CUL5: variants seen among roughly 807,000 people sequenced by gnomAD.
The protein encoded by CUL5 is cullin 5, also known as cullin-5.
In CUL5, 26 loss-of-function variants were observed where a neutral mutation model predicts 108.8. The observed-to-expected ratio is 0.24, with a 90% CI of 0.18 to 0.33. CUL5 has a LOEUF of 0.33. CUL5 is among the 10% of genes least tolerant of loss of function. The pLI, the probability that CUL5 is intolerant of heterozygous loss-of-function variation, is 1.00. For missense variants in CUL5, 524 were observed against 909.2 expected, an observed-to-expected ratio of 0.58 and a Z score of 5.45; for synonymous variants, 334 against 298.0, an observed-to-expected ratio of 1.12 and a Z score of -1.25.
At chr11:108,026,557 T>A (rs1263681526) in intron 1 of CUL5, among the ~76,000 whole-genome samples, 2 of 152,144 alleles carry the variant, frequency 1.3e-5, no homozygotes, top group Non-Finnish European at 2.9e-5. Flanking sequence ...TTCCTCCACA[T>A]ATGCGCTAGA....
At chr11:108,095,823 C>A in intron 16 of CUL5, 132 bp downstream of exon 16, 3 of 797,360 alleles carry the variant, frequency 3.8e-6, no homozygotes, top group South Asian at 3.7e-5. Flanking sequence ...AGGCCGGGCA[C>A]AGTGGATCAC....
rs192641504 is a variant in CUL5 at position 108,035,951 on chromosome 11, A to G, written c.134+2040A>G. Among the ~76,000 whole-genome samples, 736 of 152,286 alleles carry G rather than the reference A, an allele frequency of 4.8e-3. 3 individuals are homozygous for G. The highest frequency in any genetic ancestry group is 0.034 in the Middle Eastern group (10 of 294). On this transcript the variant is annotated intron_variant, in intron 2 of 18. Transcript: ENST00000393094. ...TCTTGTCTTTGGCAGCAGTAAAGCC[A>G]AGATACTGCAGGCTCGCAGCCATAT...
chr11:108,098,022 T>A (rs1029115615), intron 17 of CUL5, among the ~76,000 whole-genome samples: 3 of 152,234 alleles, frequency 2.0e-5, no homozygotes, highest in African/African-American at 7.2e-5. Context: ...AAAGCAACTT[T>A]ATTCAGAGAA....
At chr11:108,039,121 A>G (rs1862823350) in intron 2 of CUL5, among the ~76,000 whole-genome samples, 1 of 152,076 alleles carries the variant, frequency 6.6e-6, no homozygotes, top group Admixed American at 6.6e-5. Context: ...CCCAGGTTCA[A>G]GCAATTCTCT....
At chr11:108,024,620 G>T (rs1392919963) in intron 1 of CUL5, among the ~76,000 whole-genome samples, 1 of 152,124 alleles carries the variant, frequency 6.6e-6, no homozygotes, top group East Asian at 1.9e-4. Flanking sequence ...GTTAATAGAA[G>T]ATACAAATGC....
intron 2 of CUL5, 44 bp from the exon 3 acceptor site, chr11:108,046,226 C>G: frequency 7.5e-7 from 1 of 1,334,604 alleles, no homozygotes; most frequent in East Asian, 2.3e-5. Context: ...TTGTTCAGTT[C>G]TTGTTTCATT....
intron 2 of CUL5, among the ~76,000 whole-genome samples, chr11:108,038,711 GAGTACCTAAAGC>G (rs1862810744): frequency 6.6e-6 from 1 of 151,682 alleles, no homozygotes. Context: ...CATCTCCTTG[GAGTACCTAAAGC>G]AGTTCAGTGT....
At chr11:108,072,005 T>C (rs1356088516) in intron 8 of CUL5, among the ~76,000 whole-genome samples, 1 of 152,096 alleles carries the variant, frequency 6.6e-6, no homozygotes, top group Non-Finnish European at 1.5e-5. Context: ...TGGGAGACCC[T>C]GTCTCTACAA....
intron 11 of CUL5, among the ~76,000 whole-genome samples, chr11:108,086,091 G>T (rs1864216747): frequency 6.6e-6 from 1 of 152,100 alleles, no homozygotes; most frequent in Non-Finnish European, 1.5e-5. Flanking sequence ...GAGTCATAGA[G>T]CATAGAAAAG....
At chr11:108,059,617 G>A (rs1376986350) in intron 7 of CUL5, among the ~76,000 whole-genome samples, 2 of 152,066 alleles carry the variant, frequency 1.3e-5, no homozygotes, top group Non-Finnish European at 1.5e-5. Context: ...GGTGGCTCAC[G>A]CCTGCAATCC....
At chr11:108,093,094 G>A (rs1274040367) in intron 13 of CUL5, among the ~76,000 whole-genome samples, 1 of 152,166 alleles carries the variant, frequency 6.6e-6, no homozygotes, top group Non-Finnish European at 1.5e-5. Context: ...GGGATTACAG[G>A]CATGAGCCCA....
At chr11:108,057,769 C>G (rs1245336712) in intron 7 of CUL5, among the ~76,000 whole-genome samples, 1 of 152,062 alleles carries the variant, frequency 6.6e-6, no homozygotes, top group Non-Finnish European at 1.5e-5. Context: ...TGAATAAGAC[C>G]TAGAGTTAAA....
rs140620822 is a variant in CUL5 at position 108,049,922 on chromosome 11, G to A, written c.267G>A (p.Leu89=). 4.0e-5 allele frequency: 64 copies of A among 1,613,178 alleles called. No homozygotes were observed. In the South Asian group the frequency reaches 4.7e-4, roughly 12 times the overall value. The change falls in exon 4 of 19, where the codon TTG becomes TTA. Residue 89 remains leucine, a synonymous_variant. Coordinates refer to ENST00000393094, the MANE Select transcript of CUL5 (RefSeq NM_003478.6). The part of the protein sequence containing the change: ...RVLSHQDDTA[L]LKAYIVEWRK... ...TGAGCCATCAAGATGATACGGCTTT[G>A]CTAAAAGCATATATTGTTGAATGGC...
chr11:108,076,396 TTG>T (rs1194204987), intron 10 of CUL5, among the ~76,000 whole-genome samples: 10 of 152,314 alleles, frequency 6.6e-5, no homozygotes, highest in Admixed American at 5.9e-4. Flanking sequence ...TTTTTCCATC[TTG>T]TGTGTCTGCT....
chr11:108,100,637 G>GA (rs1864636112), intron 18 of CUL5, among the ~76,000 whole-genome samples: 1 of 152,184 alleles, frequency 6.6e-6, no homozygotes, highest in Non-Finnish European at 1.5e-5. Flanking sequence ...CCTATGGAAA[G>GA]AAAATGAATT....
At chr11:108,043,334 A>G (rs1862982637) in intron 2 of CUL5, among the ~76,000 whole-genome samples, 1 of 152,220 alleles carries the variant, frequency 6.6e-6, no homozygotes, top group South Asian at 2.1e-4. Context: ...TTGGCCTCCA[A>G]GAGTGCTAGG....
intron 5 of CUL5, 21 bp downstream of exon 5, chr11:108,052,822 A>G (rs765292447): frequency 5.7e-6 from 9 of 1,582,908 alleles, no homozygotes; most frequent in South Asian, 4.7e-5. Context: ...AACTTTTATG[A>G]TCATAATTTC....
chr11:108,095,488 A>C (rs1435816833), intron 15 of CUL5, 42 bp from the exon 16 acceptor site: 2 of 1,310,158 alleles, frequency 1.5e-6, no homozygotes, highest in Non-Finnish European at 2.1e-6. Flanking sequence ...AGAGAGAATC[A>C]TCATGAGATT....
chr11:108,054,712 T>G lies in CUL5; in HGVS notation c.619T>G (p.Leu207Val), dbSNP rs767739701. 6.2e-7 allele frequency: 1 copy of G among 1,610,244 alleles called. No individual in the cohort carries two copies. The highest frequency in any genetic ancestry group is 8.5e-7 in the Non-Finnish European group (1 of 1,176,878). The change falls in exon 6 of 19, where the codon TTG becomes GTG. Residue 207 changes from leucine (L) to valine (V), a missense_variant. By Grantham distance (32) the Leu-to-Val change is conservative. Transcript: ENST00000393094. ...TAGGGACAATTTTGAGAAGGCATAC[T>G]TGGATTCAACAGAGAGATTTTATAG... ...IYRDNFEKAY[L>V]DSTERFYRTQ...
Sources: allele counts gnomAD v4.1 joint callset (sites outside exome capture counted in the v4.1 genomes callset), GRCh38; gene constraint gnomAD v4.1.1; transcripts MANE v1.5; gene names NCBI Gene and HGNC (gene_info 2026-07-23, HGNC 2026-07-21).